Variants in MAP7D1 observed in about 807,000 individuals in gnomAD.
The protein encoded by MAP7D1 is MAP7 domain-containing protein 1.
Under a neutral mutation model 97.5 loss-of-function variants are expected in MAP7D1, and 30 were observed. The ratio of observed to expected loss-of-function variants is 0.31; its 90% CI spans 0.23 to 0.42. MAP7D1 has a LOEUF of 0.42. MAP7D1 is among the 10% of genes least tolerant of loss of function. The pLI, the probability that MAP7D1 is intolerant of heterozygous loss-of-function variation, is 1.00. For missense variants in MAP7D1, 1,184 were observed against 1,179.5 expected (o/e 1.00, Z -0.06); for synonymous variants, 536 against 477.1 (o/e 1.12, Z -1.61).
intron 14 of MAP7D1, 34 bp from the exon 15 acceptor site, chr1:36,179,632 C>T: frequency 6.5e-7 from 1 of 1,544,144 alleles, no homozygotes; most frequent in East Asian, 2.4e-5. Context: ...CTCTTGCCAG[C>T]CCCTGGCTGA....
chr1:36,175,178 G>C (rs1376712703), intron 6 of MAP7D1, among the ~76,000 whole-genome samples, 170 bp downstream of exon 6: 1 of 152,020 alleles, frequency 6.6e-6, no homozygotes, highest in Non-Finnish European at 1.5e-5. Context: ...CCGGCATATG[G>C]GTCTGGACCC....
intron 1 of MAP7D1, among the ~76,000 whole-genome samples, chr1:36,156,786 A>T (rs1176044022): frequency 6.7e-6 from 1 of 149,924 alleles, no homozygotes; most frequent in Admixed American, 6.6e-5. Flanking sequence ...TTCCCGATTC[A>T]CCCCGGGCCT....
chr1:36,179,217 T>C (rs1644679908), intron 12 of MAP7D1, 45 bp from the exon 13 acceptor site: 2 of 1,604,364 alleles, frequency 1.2e-6, no homozygotes, highest in Non-Finnish European at 1.7e-6. Flanking sequence ...AGGTTTAGGA[T>C]TAGGGGCGGG....
Position 36,156,349 on chromosome 1 carries a change from C to T in MAP7D1, c.-69C>T. 1 of 1,366,474 alleles carries T rather than the reference C, an allele frequency of 7.3e-7. No homozygotes were observed. The highest frequency in any genetic ancestry group is 9.7e-7 in the Non-Finnish European group (1 of 1,027,058). The allele number at this position is 1,366,474 out of a possible 1,614,324, so 84.6% of individuals were successfully genotyped here. A position where few individuals can be genotyped will look rare whatever the true frequency, so the allele number is the denominator to read the frequency against. ...GCCGGGCGTGATGCGCCGCGGGACC[C>T]CTGTCCTGGCCACTGGCCGCCGCCG... On this transcript the variant is annotated 5_prime_UTR_variant, in exon 1 of 17. Transcript: ENST00000474796.
chr1:36,169,424 C>T (rs1198832655), intron 1 of MAP7D1, among the ~76,000 whole-genome samples: 2 of 152,006 alleles, frequency 1.3e-5, no homozygotes, highest in Admixed American at 6.6e-5. Context: ...GGCGTGGTGG[C>T]GGGCGCCTGT....
intron 1 of MAP7D1, among the ~76,000 whole-genome samples, chr1:36,161,138 T>C (rs1168561589): frequency 6.6e-6 from 1 of 152,212 alleles, no homozygotes; most frequent in Non-Finnish European, 1.5e-5. Context: ...GTAGTCTCAG[T>C]CGGGTTCCCG....
In MAP7D1 at chr1:36,180,454, T is replaced by G; in HGVS notation, c.*196T>G. 1 of 696,040 alleles carries G rather than the reference T, an allele frequency of 1.4e-6. No individual in the cohort carries two copies. The highest frequency in any genetic ancestry group is 2.5e-6 in the Non-Finnish European group (1 of 398,604). The allele number at this position is 696,040 out of a possible 1,614,324, so 43.1% of individuals were successfully genotyped here. On this transcript the variant is annotated 3_prime_UTR_variant, in exon 17 of 17. Coordinates refer to ENST00000474796, the MANE Select transcript of MAP7D1 (RefSeq NM_001388490.1). ...GAGCCAGATCTGCCCCTCAGTGCAT[T>G]CGTGTGCTCGCACGCGCAGACATCC...
At chr1:36,177,366 C>T (rs1644641795) in intron 8 of MAP7D1, 2 of 337,050 alleles carry the variant, frequency 5.9e-6, no homozygotes, top group South Asian at 4.6e-5. Flanking sequence ...TCAGTGAATA[C>T]CTACTGAAGG....
chr1:36,169,109 G>A (rs1243179905), intron 1 of MAP7D1, among the ~76,000 whole-genome samples: 1 of 151,928 alleles, frequency 6.6e-6, no homozygotes, highest in Non-Finnish European at 1.5e-5. Context: ...AAAATTAGCT[G>A]GGCGTGGTGG....
intron 1 of MAP7D1, among the ~76,000 whole-genome samples, chr1:36,161,910 T>TGTGTGTGTGTGA (rs750232866): frequency 2.7e-4 from 28 of 105,642 alleles, no homozygotes; most frequent in African/African-American, 7.5e-4. Context: ...TGTGTGTGTG[T>TGTGTGTGTGTGA]GAGAGAGAGA....
In MAP7D1 at chr1:36,174,993, A is replaced by G. The variant is rs1288691309; in HGVS notation, c.835A>G (p.Asn279Asp). The G allele has an allele frequency of 6.2e-7, 1 of 1,613,030 alleles. No individual in the cohort carries two copies. Among genetic ancestry groups the G allele is most frequent in the East Asian group, 2.2e-5 (1 of 44,836 alleles). The change falls in exon 6 of 17, where the codon AAC becomes GAC. Residue 279 changes from asparagine (N) to aspartate (D), a missense_variant. Asn to Asp is a conservative substitution (Grantham distance 23). Coordinates refer to ENST00000474796, the MANE Select transcript of MAP7D1 (RefSeq NM_001388490.1). ...RLSKSSATLWNSPSRNRSLQL... is the reference protein window; with the variant it reads ...RLSKSSATLWDSPSRNRSLQL... ...CTCAAAGTCCTCTGCCACGCTCTGG[A>G]ACTCCCCCAGTAGAAGTAAGAGAAG...
At chr1:36,179,073 G>T (rs767335197) in intron 12 of MAP7D1, 48 bp downstream of exon 12, 5 of 1,507,668 alleles carry the variant, frequency 3.3e-6, no homozygotes, top group South Asian at 2.4e-5. Flanking sequence ...GGGCAGGGCG[G>T]GCCAGGTGGG....
chr1:36,166,078 GA>G, intron 1 of MAP7D1, among the ~76,000 whole-genome samples: 1 of 152,222 alleles, frequency 6.6e-6, no homozygotes, highest in Non-Finnish European at 1.5e-5. Context: ...ATTTAAAAGT[GA>G]CATCAAAATA....
Position 36,178,061 on chromosome 1 carries a change from C to A in MAP7D1, c.1568C>A (p.Pro523His). The change falls in exon 9 of 17, where the codon CCC (proline) becomes CAC (histidine). Residue 523 changes from proline (P) to histidine (H), a missense_variant. Transcript: ENST00000474796. ...EAKESPSAAG[P>H]EDKSQSKRRA... ...AAGGAGAGCCCCAGCGCCGCAGGGC[C>A]CGAGGACAAGAGCCAGAGCAAGCGC... 2 of 1,611,860 alleles carry A rather than the reference C, an allele frequency of 1.2e-6. No homozygotes were observed. The highest frequency in any genetic ancestry group is 1.1e-5 in the South Asian group (1 of 90,888).
At chr1:36,165,713 C>G (rs1259396100) in intron 1 of MAP7D1, among the ~76,000 whole-genome samples, 2 of 148,882 alleles carry the variant, frequency 1.3e-5, no homozygotes, top group South Asian at 4.2e-4. Context: ...CACCGCACCA[C>G]GCCTGCAGTT....
At chr1:36,156,813 C>T (rs1398993235) in intron 1 of MAP7D1, among the ~76,000 whole-genome samples, 1 of 152,162 alleles carries the variant, frequency 6.6e-6, no homozygotes, top group Non-Finnish European at 1.5e-5. Context: ...TCCTCTTCTA[C>T]TGAGCTAGGG....
At position 36,156,234 on chromosome 1, in the gene MAP7D1, G is replaced by A; in HGVS notation, c.-184G>A. On this transcript the variant is annotated 5_prime_UTR_variant, in exon 1 of 17. Transcript: ENST00000474796. ...CGACCGCAGCCGAGAGACCCCGGGC[G>A]ACCGGCACCTCCGAGACTCGCGGGC... 2.2e-6 allele frequency: 1 copy of A among 447,034 alleles called. No homozygotes were observed. The allele number at this position is 447,034 out of a possible 1,614,324, so 27.7% of individuals were successfully genotyped here.
rs1644614031 is a variant in MAP7D1 at position 36,176,020 on chromosome 1, G to C, written c.851-179G>C. Among the ~76,000 whole-genome samples, 1 of 152,330 alleles carries C rather than the reference G, an allele frequency of 6.6e-6. No individual in the cohort carries two copies. The highest frequency in any genetic ancestry group is 3.4e-3 in the Middle Eastern group (1 of 294). ...GGGAAGTGTCTGGTTGCCTGGGTCT[G>C]TAGTGGAAGTCCAGATCATAGGGAG... On this transcript the variant is annotated intron_variant, in intron 6 of 16. Coordinates refer to ENST00000474796, the MANE Select transcript of MAP7D1 (RefSeq NM_001388490.1). This position sits in a 1 kb window ranked among gnomAD's most constrained non-coding sequence, Gnocchi z 6.1.
In MAP7D1 at chr1:36,171,059, C is replaced by T. The variant is rs200045760; in HGVS notation, c.135C>T (p.Pro45=). 15 of 1,603,518 alleles carry T rather than the reference C, an allele frequency of 9.4e-6. No homozygotes were observed. The highest frequency in any genetic ancestry group is 1.3e-5 in the African/African-American group (1 of 74,520). Residue 45 remains proline (P), a synonymous_variant, in exon 2 of 17, where the codon CCC becomes CCT. Transcript: ENST00000474796. ...PPPPPMSALV[P]DTPPDTPPAM... ...CACCACCAATGTCAGCCCTGGTCCC[C>T]GACACTCCCCCGGACACCCCTCCTG... is the stretch of plus-strand genomic sequence containing the variant.
Sources: allele counts gnomAD v4.1 joint callset (sites outside exome capture counted in the v4.1 genomes callset), GRCh38; gene constraint gnomAD v4.1.1; non-coding constraint Gnocchi (gnomAD v3.1); transcripts MANE v1.5; gene names NCBI Gene and HGNC (gene_info 2026-07-23, HGNC 2026-07-21).